Variants in OR4C6 observed in about 807,000 individuals in gnomAD.
The protein encoded by OR4C6 is olfactory receptor family 4 subfamily C member 6, also known as olfactory receptor 4C6.
A neutral mutation model predicts 13.9 loss-of-function variants in OR4C6; 20 were observed. The ratio of observed to expected loss-of-function variants is 1.43; its 90% CI spans 1.01 to 2.08. The LOEUF (loss-of-function observed/expected upper bound fraction) is 2.08, where lower values mean the gene tolerates loss of function less well. OR4C6 is among the 30% of genes most tolerant of loss of function. The pLI, the probability that OR4C6 is intolerant of heterozygous loss-of-function variation, is 0.00. For missense variants in OR4C6, 555 were observed against 381.2 expected (o/e 1.46, Z -3.80); for synonymous variants, 193 against 141.5 (o/e 1.36, Z -2.58).
rs1456061117 is a variant in OR4C6 at position 55,665,307 on chromosome 11, T to C, written c.141T>C (p.Ile47=). The C allele has an allele frequency of 6.2e-7, 1 of 1,613,590 alleles. No individual in the cohort carries two copies. The highest frequency in any genetic ancestry group is 8.5e-7 in the Non-Finnish European group (1 of 1,179,654). Residue 47 remains isoleucine, a synonymous_variant, in exon 2 of 2, where the codon ATT becomes ATC. Coordinates refer to ENST00000314259, the MANE Select transcript of OR4C6 (RefSeq NM_001004704.2). ...VLENLLIVVT[I]ITSQSLRSPM... is the part of the protein sequence containing the mutation. ...AAAATCTACTTATTGTGGTAACTAT[T>C]ATCACAAGTCAGAGTCTGAGGTCAC...
In OR4C6 at chr11:55,665,811, C is replaced by T. The variant is rs896126431; in HGVS notation, c.645C>T (p.Ser215=). 6.2e-7 allele frequency: 1 copy of T among 1,613,908 alleles called. No individual in the cohort carries two copies. The highest frequency in any genetic ancestry group is 8.5e-7 in the Non-Finnish European group (1 of 1,180,022). The part of the protein sequence containing the change: ...CVAIFLILIA[S]YTVILCSLKS... ...CCATCTTTCTTATCTTAATTGCGTC[C>T]TACACGGTCATCCTATGCTCCCTGA... Residue 215 remains serine, a synonymous_variant, in exon 2 of 2, where the codon TCC becomes TCT. Coordinates refer to ENST00000314259, the MANE Select transcript of OR4C6 (RefSeq NM_001004704.2).
At chr11:55,665,011 C>A in intron 1 of OR4C6, 114 bp from the exon 2 acceptor site, 1 of 583,464 alleles carries the variant, frequency 1.7e-6, no homozygotes, top group Non-Finnish European at 3.0e-6. Flanking sequence ...TCTTAGAAGT[C>A]AAATGCCTAG....
At chr11:55,662,417 G>C (rs1341196369) in intron 1 of OR4C6, among the ~76,000 whole-genome samples, 169 bp downstream of exon 1, 1 of 138,790 alleles carries the variant, frequency 7.2e-6, no homozygotes, top group Non-Finnish European at 1.6e-5. Context: ...CATTATCTAT[G>C]TCCCACTGCT....
rs1369436603 is a variant in OR4C6, at chr11:55,666,037, G to T, written c.871G>T (p.Glu291Ter). The T allele has an allele frequency of 4.3e-6, 7 of 1,613,704 alleles. No homozygotes were observed. The highest frequency in any genetic ancestry group is 5.1e-6 in the Non-Finnish European group (6 of 1,179,928). ...NPLIYTLRNA[E>*]VKSAMKKLWM... ...CTTGATCTATACACTGAGGAATGCA[G>T]AGGTGAAAAGTGCCATGAAGAAACT... Residue 291 changes from glutamate to a stop codon, truncating the protein, a stop_gained, in exon 2 of 2, where the codon GAG becomes TAG. Transcript: ENST00000314259. LOFTEE classifies it high-confidence loss of function.
At chr11:55,662,465 G>T (rs1227408775) in intron 1 of OR4C6, among the ~76,000 whole-genome samples, 3 of 139,132 alleles carry the variant, frequency 2.2e-5, no homozygotes, top group African/African-American at 7.5e-5. Context: ...TGATATTGAT[G>T]TCCACTGCAA....
chr11:55,664,454 T>C (rs1858709320), intron 1 of OR4C6, among the ~76,000 whole-genome samples: 1 of 152,026 alleles, frequency 6.6e-6, no homozygotes, highest in African/African-American at 2.4e-5. Context: ...TAACTACTTT[T>C]AGGTATATGA....
Position 55,665,744 on chromosome 11 carries a change from T to G in OR4C6, c.578T>G (p.Leu193Arg). Residue 193 changes from leucine to arginine, a missense_variant, in exon 2 of 2, where the codon CTG becomes CGG. Coordinates refer to ENST00000314259, the MANE Select transcript of OR4C6 (RefSeq NM_001004704.2). The part of the protein sequence containing the change: ...LTLACTDTHI[L>R]GLLVTLNSGM... ...CTTGCCTGCACGGACACCCACATCC[T>G]GGGCCTCTTAGTTACCCTCAACAGT... 1 of 1,613,970 alleles carries G rather than the reference T, an allele frequency of 6.2e-7. No homozygotes were observed. Among genetic ancestry groups the G allele is most frequent in the Non-Finnish European group, 8.5e-7 (1 of 1,179,994 alleles).
Position 55,665,790 on chromosome 11 carries a change from C to G in OR4C6, c.624C>G (p.Ile208Met), listed in dbSNP as rs143932733. 1.2e-4 allele frequency: 199 copies of G among 1,613,966 alleles called. 2 individuals are homozygous for G. The African/African-American group carries it at 2.4e-3, about 19-fold the overall frequency. ...TLNSGMMCVA[I>M]FLILIASYTV... ...ACAGTGGGATGATGTGTGTGGCCATCTTTCTTATCTTAATTGCGTCCTACA... is the reference window on the plus strand; with the variant it reads ...ACAGTGGGATGATGTGTGTGGCCATGTTTCTTATCTTAATTGCGTCCTACA... The change falls in exon 2 of 2, where the codon ATC (isoleucine) becomes ATG (methionine). Residue 208 changes from isoleucine to methionine, a missense_variant. By Grantham distance (10) the Ile-to-Met change is conservative. Transcript: ENST00000314259.
At chr11:55,664,463 G>T (rs756826391) in intron 1 of OR4C6, among the ~76,000 whole-genome samples, 1 of 151,988 alleles carries the variant, frequency 6.6e-6, no homozygotes, top group Non-Finnish European at 1.5e-5. Flanking sequence ...TTAGGTATAT[G>T]ATGATCATTT....
At chr11:55,665,097 A>T in intron 1 of OR4C6, 28 bp from the exon 2 acceptor site, 1 of 981,278 alleles carries the variant, frequency 1.0e-6, no homozygotes, top group African/African-American at 1.6e-5. Flanking sequence ...ATTAGTCACT[A>T]ATTATAAATC....
chr11:55,665,213 C>A lies in OR4C6; in HGVS notation c.47C>A (p.Thr16Lys), dbSNP rs1858721600. 1 of 1,613,198 alleles carries A rather than the reference C, an allele frequency of 6.2e-7. No homozygotes were observed. ...ACTGAATTCATTCTTCTGGGTCTCA[C>A]AGAGAACCTGGAGCTGTGGAAAATA... ...NVTEFILLGL[T>K]ENLELWKIFS... The change falls in exon 2 of 2, where the codon ACA (threonine) becomes AAA (lysine). Residue 16 changes from threonine (T) to lysine (K), a missense_variant. Coordinates refer to ENST00000314259, the MANE Select transcript of OR4C6 (RefSeq NM_001004704.2).
At position 55,666,079 on chromosome 11, in the gene OR4C6, G is replaced by C. The variant is rs1858749139; in HGVS notation, c.913G>C (p.Ala305Pro). The change falls in exon 2 of 2, where the codon GCT becomes CCT. Residue 305 changes from alanine to proline, a missense_variant. Ala to Pro is a conservative substitution (Grantham distance 27). Transcript: ENST00000314259. Reference sequence around the variant, plus strand: ...GAAGAAACTCTGGATGAAATGGGAGGCTTTGGCTGGGAAATAACTGCAATG... The same window carrying C: ...GAAGAAACTCTGGATGAAATGGGAGCCTTTGGCTGGGAAATAACTGCAATG... ...AMKKLWMKWEALAGK is the reference protein window; with the variant it reads ...AMKKLWMKWEPLAGK The C allele has an allele frequency of 1.9e-6, 3 of 1,610,444 alleles. No homozygotes were observed. The highest frequency in any genetic ancestry group is 2.5e-6 in the Non-Finnish European group (3 of 1,178,070).
At chr11:55,663,808 G>C (rs1007992924) in intron 1 of OR4C6, among the ~76,000 whole-genome samples, 1 of 137,988 alleles carries the variant, frequency 7.2e-6, no homozygotes, top group Non-Finnish European at 1.6e-5. Context: ...TGTAAGGGAT[G>C]GGGGTGGAGT....
At chr11:55,662,472 G>T (rs931358260) in intron 1 of OR4C6, among the ~76,000 whole-genome samples, 4 of 139,106 alleles carry the variant, frequency 2.9e-5, no homozygotes, top group Non-Finnish European at 6.4e-5. Context: ...GATGTCCACT[G>T]CAACTTTACT....
Position 55,665,529 on chromosome 11 carries a change from C to A in OR4C6, c.363C>A (p.Tyr121Ter). The change falls in exon 2 of 2, where the codon TAC (tyrosine) becomes TAA (stop). Residue 121 changes from tyrosine (Y) to a stop codon, truncating the protein, a stop_gained. Coordinates refer to ENST00000314259, the MANE Select transcript of OR4C6 (RefSeq NM_001004704.2). LOFTEE classifies it high-confidence loss of function. ...TCACTGTGATGGCCTATGACCGCTA[C>A]GTGGCCATCTGTAAGCCCCTGCACT... ...ILLTVMAYDR[Y>*]VAICKPLHYT... is the part of the protein sequence containing the mutation. 1.2e-6 allele frequency: 2 copies of A among 1,613,722 alleles called. No homozygotes were observed. Among genetic ancestry groups the A allele is most frequent in the Non-Finnish European group, 1.7e-6 (2 of 1,179,914 alleles).
rs766031417 is a variant in OR4C6, at chr11:55,665,414, C to G, written c.248C>G (p.Thr83Ser). The G allele has an allele frequency of 3.1e-6, 5 of 1,613,618 alleles. No individual in the cohort carries two copies. Among genetic ancestry groups the G allele is most frequent in the Non-Finnish European group, 4.2e-6 (5 of 1,179,912 alleles). ...GTTGCCCCCAAGGTGATTGTAGACA[C>G]CCTCTCCAAGAGCACTACCATCTCT... ...SVVAPKVIVD[T>S]LSKSTTISLK... The change falls in exon 2 of 2, where the codon ACC (threonine) becomes AGC (serine). Residue 83 changes from threonine to serine, a missense_variant. By Grantham distance (58) the Thr-to-Ser change is moderately conservative. Transcript: ENST00000314259.
At chr11:55,664,085 A>G (rs1263162370) in intron 1 of OR4C6, among the ~76,000 whole-genome samples, 1 of 151,784 alleles carries the variant, frequency 6.6e-6, no homozygotes, top group Non-Finnish European at 1.5e-5. Context: ...TGCCAGCTCC[A>G]CCACAAAATA....
chr11:55,665,531 T>G lies in OR4C6; in HGVS notation c.365T>G (p.Val122Gly). The G allele has an allele frequency of 6.2e-7, 1 of 1,613,792 alleles. No individual in the cohort carries two copies. Among genetic ancestry groups the G allele is most frequent in the South Asian group, 1.1e-5 (1 of 91,076 alleles). ...LLTVMAYDRY[V>G]AICKPLHYTI... is the part of the protein sequence containing the mutation. ...ACTGTGATGGCCTATGACCGCTACG[T>G]GGCCATCTGTAAGCCCCTGCACTAC... Residue 122 changes from valine (V) to glycine (G), a missense_variant, in exon 2 of 2, where the codon GTG (valine) becomes GGG (glycine). By Grantham distance (109) the Val-to-Gly change is moderately radical. Transcript: ENST00000314259.
In OR4C6 at chr11:55,665,336, T is replaced by G. The variant is rs372837282; in HGVS notation, c.170T>G (p.Met57Arg). The G allele has an allele frequency of 6.2e-7, 1 of 1,613,688 alleles. No homozygotes were observed. The highest frequency in any genetic ancestry group is 8.5e-7 in the Non-Finnish European group (1 of 1,179,884). Residue 57 changes from methionine to arginine, a missense_variant, in exon 2 of 2, where the codon ATG (methionine) becomes AGG (arginine). Met to Arg is a moderately conservative substitution (Grantham distance 91, BLOSUM62 -1). Transcript: ENST00000314259. ...ACAAGTCAGAGTCTGAGGTCACCTA[T>G]GTATTTTTTTCTTACCTTCTTGTCC... ...IITSQSLRSPMYFFLTFLSLL... is the reference protein window; with the variant it reads ...IITSQSLRSPRYFFLTFLSLL...
Sources: gnomAD v4.1 joint callset for allele counts (sites outside exome capture counted in the v4.1 genomes callset) on GRCh38, gnomAD v4.1.1 for gene constraint, MANE v1.5 for transcripts, NCBI Gene and HGNC (gene_info 2026-07-23, HGNC 2026-07-21) for gene names.